SYT6: variants seen among roughly 807,000 people sequenced by gnomAD.
SYT6 encodes the protein synaptotagmin-6.
Under a neutral mutation model 38.4 loss-of-function variants are expected in SYT6, and 24 were observed. The observed-to-expected ratio is 0.62, with a 90% CI of 0.45 to 0.88. The LOEUF (loss-of-function observed/expected upper bound fraction) is 0.88, where lower values mean the gene tolerates loss of function less well. Ranked by LOEUF, SYT6 falls within the 40% of genes least tolerant of loss-of-function variation. The pLI is 0.00. For synonymous variants in SYT6, 265 were observed against 241.9 expected (o/e 1.10, Z -0.89); for missense variants, 611 against 621.0 (o/e 0.98, Z 0.17).
At chr1:114,141,608 A>G (rs1678871170) in intron 1 of SYT6, among the ~76,000 whole-genome samples, 1 of 152,262 alleles carries the variant, frequency 6.6e-6, no homozygotes, top group South Asian at 2.1e-4. Flanking sequence ...AACTAAGATA[A>G]TTGATGAAGG....
chr1:114,138,420 C>A (rs772700994), intron 2 of SYT6, among the ~76,000 whole-genome samples: 1 of 152,098 alleles, frequency 6.6e-6, no homozygotes, highest in African/African-American at 2.4e-5. Context: ...AGAGAAGGAC[C>A]ATCCCTTCTT....
chr1:114,140,916 G>A (rs896961818), intron 1 of SYT6, among the ~76,000 whole-genome samples: 3 of 152,148 alleles, frequency 2.0e-5, no homozygotes, highest in Non-Finnish European at 2.9e-5. Flanking sequence ...AGTGATCTTG[G>A]ATATTCCTAT....
intron 1 of SYT6, among the ~76,000 whole-genome samples, chr1:114,149,266 G>A (rs1446431478): frequency 8.3e-5 from 2 of 24,022 alleles, no homozygotes; most frequent in Non-Finnish European, 1.6e-4. Flanking sequence ...ATTCTGTACT[G>A]AGGCTCAGAC....
At chr1:114,142,879 T>A (rs938694817) in intron 1 of SYT6, among the ~76,000 whole-genome samples, 3 of 152,164 alleles carry the variant, frequency 2.0e-5, no homozygotes, top group African/African-American at 7.2e-5. Context: ...GTATATATTG[T>A]TTTTGGGTGT....
At chr1:114,152,827 G>A (rs1679515543) in intron 1 of SYT6, 1 of 152,246 alleles carries the variant, frequency 6.6e-6, no homozygotes, top group African/African-American at 2.4e-5. Flanking sequence ...GCCTGGGGCT[G>A]CGTCCCGCGC....
chr1:114,124,633 TG>T lies in SYT6; in HGVS notation c.1071+12861del, dbSNP rs565155201. Among the ~76,000 whole-genome samples, 14 of 152,298 alleles carry T rather than the reference TG, an allele frequency of 9.2e-5. No individual in the cohort carries two copies. In the East Asian group the frequency reaches 2.3e-3, roughly 25 times the overall value. On this transcript the variant is annotated intron_variant, in intron 3 of 7. Coordinates refer to ENST00000610222, the MANE Select transcript of SYT6 (RefSeq NM_001253772.2). ...TGGAGCTAGACCCGTGTTCCATGAC[TG>T]GGTCAATGAAGGAAGAGCCATCGGA...
At chr1:114,114,710 T>C (rs371369785) in intron 3 of SYT6, among the ~76,000 whole-genome samples, 375 of 152,330 alleles carry the variant, frequency 2.5e-3, no homozygotes, top group Non-Finnish European at 4.3e-3. Flanking sequence ...TAGCCTCAGT[T>C]CGTGATATAA....
At position 114,122,507 on chromosome 1, in the gene SYT6, G is replaced by A. The variant is rs571742514; in HGVS notation, c.1071+14988C>T. Among the ~76,000 whole-genome samples the A allele has an allele frequency of 5.0e-4, 27 of 53,818 alleles. No homozygotes were observed. In the South Asian group the frequency reaches 0.016, roughly 32 times the overall value. 35.3% of individuals were successfully genotyped at this position (53,818 alleles called of 152,430 possible). The stretch of plus-strand genomic sequence containing the variant: ...TGTGTGTGTGTGTGTGTGTGTGTGT[G>A]CGCGCACATGAGCATATGCACACAC... On this transcript the variant is annotated intron_variant, in intron 3 of 7. Coordinates refer to ENST00000610222, the MANE Select transcript of SYT6 (RefSeq NM_001253772.2).
chr1:114,152,840 G>A (rs922388431), intron 1 of SYT6: 1 of 152,352 alleles, frequency 6.6e-6, no homozygotes, highest in Admixed American at 6.5e-5. Context: ...TCCCGCGCAG[G>A]GTCAGCGCGG....
chr1:114,096,957 C>G (rs1219505011), intron 6 of SYT6, among the ~76,000 whole-genome samples: 2 of 152,162 alleles, frequency 1.3e-5, no homozygotes, highest in Non-Finnish European at 2.9e-5. Flanking sequence ...CTGGGGACCA[C>G]CACGGTGATA....
chr1:114,151,468 C>G (rs932684097), intron 1 of SYT6, among the ~76,000 whole-genome samples: 4 of 152,204 alleles, frequency 2.6e-5, no homozygotes, highest in African/African-American at 9.7e-5. Context: ...ACCTGTCATT[C>G]CAGATTATGG....
chr1:114,122,504 T>C (rs367742483), intron 3 of SYT6, among the ~76,000 whole-genome samples: 78 of 114,538 alleles, frequency 6.8e-4, no homozygotes, highest in East Asian at 3.6e-3. Flanking sequence ...TGTGTGTGTG[T>C]GTGCGCGCAC....
At chr1:114,122,615 C>G (rs761619005) in intron 3 of SYT6, among the ~76,000 whole-genome samples, 2 of 152,172 alleles carry the variant, frequency 1.3e-5, no homozygotes, top group African/African-American at 2.4e-5. Context: ...CTATCTCTTG[C>G]AGGAGGCAGA....
At chr1:114,142,008 T>G (rs1343788980) in intron 1 of SYT6, among the ~76,000 whole-genome samples, 1 of 152,232 alleles carries the variant, frequency 6.6e-6, no homozygotes, top group Non-Finnish European at 1.5e-5. Flanking sequence ...ATGCACCTAG[T>G]CACCCAAAGG....
intron 3 of SYT6, among the ~76,000 whole-genome samples, chr1:114,104,593 T>TTC (rs1557735540): frequency 6.6e-6 from 1 of 151,952 alleles, no homozygotes; most frequent in East Asian, 1.9e-4. Flanking sequence ...TGGAGACATT[T>TTC]CCTCCCATAG....
chr1:114,140,850 AT>A (rs1355054548), intron 1 of SYT6, among the ~76,000 whole-genome samples: 34 of 152,166 alleles, frequency 2.2e-4, no homozygotes, highest in African/African-American at 8.2e-4. Flanking sequence ...TTCTCACATT[AT>A]TTCAAACTTT....
chr1:114,111,720 G>A (rs1441272497), intron 3 of SYT6, among the ~76,000 whole-genome samples: 1 of 152,152 alleles, frequency 6.6e-6, no homozygotes, highest in Non-Finnish European at 1.5e-5. Flanking sequence ...GCAAAGTCAG[G>A]ACTTCCGAGA....
chr1:114,097,110 G>A (rs1278579718), intron 6 of SYT6, among the ~76,000 whole-genome samples: 1 of 152,202 alleles, frequency 6.6e-6, no homozygotes. Flanking sequence ...CAAGATTGCA[G>A]CCCAAGTCTT....
chr1:114,111,121 G>A (rs1044562906), intron 3 of SYT6, among the ~76,000 whole-genome samples: 2 of 152,146 alleles, frequency 1.3e-5, no homozygotes, highest in African/African-American at 4.8e-5. Flanking sequence ...GAATCACATG[G>A]CATTCAAGCT....
Sources: allele counts gnomAD v4.1 joint callset (sites outside exome capture counted in the v4.1 genomes callset), GRCh38; gene constraint gnomAD v4.1.1; transcripts MANE v1.5; gene names NCBI Gene and HGNC (gene_info 2026-07-23, HGNC 2026-07-21).